The following RAB4A variants were observed in gnomAD, a reference collection of about 807,000 sequenced individuals.
RAB4A encodes the protein RAB4A, member RAS oncogene family, also known as ras-related protein Rab-4A.
Under a neutral mutation model 34.5 loss-of-function variants are expected in RAB4A, and 20 were observed. That is an observed-to-expected ratio of 0.58 (90% CI 0.41 to 0.84). RAB4A has a LOEUF of 0.84. Ranked by LOEUF, RAB4A falls within the 40% of genes least tolerant of loss-of-function variation. The pLI, the probability that RAB4A is intolerant of heterozygous loss-of-function variation, is 0.00. For synonymous variants in RAB4A, 102 were observed against 100.0 expected, an observed-to-expected ratio of 1.02 and a Z score of -0.12; for missense variants, 228 against 274.5, an observed-to-expected ratio of 0.83 and a Z score of 1.20.
Position 229,305,343 on chromosome 1 carries a change from G to A in RAB4A, c.*1550G>A, listed in dbSNP as rs761779374. 4 of 1,511,974 alleles carry A rather than the reference G, an allele frequency of 2.6e-6. No individual in the cohort carries two copies. Among genetic ancestry groups the A allele is most frequent in the Non-Finnish European group, 8.9e-7 (1 of 1,122,510 alleles). 93.7% of individuals were successfully genotyped at this position (1,511,974 alleles called of 1,614,324 possible). On this transcript the variant is annotated 3_prime_UTR_variant, in exon 8 of 8. Transcript: ENST00000366690. The stretch of plus-strand genomic sequence containing the variant: ...CATTTTTGAACAGCTTTTTGCATGG[G>A]ATAGGAGCATGTCTATTCTAACACA...
chr1:229,298,988 T>C lies in RAB4A; in HGVS notation c.457T>C (p.Leu153=), dbSNP rs771372995. The C allele has an allele frequency of 4.4e-6, 7 of 1,608,770 alleles. No individual in the cohort carries two copies. In the South Asian group the frequency reaches 6.7e-5, roughly 15 times the overall value. Residue 153 remains leucine (L), a synonymous_variant, in exon 6 of 8, where the codon TTG becomes CTG. Transcript: ENST00000366690. ...RFAQENELMF[L]ETSALTGENV... is the part of the protein sequence containing the mutation. ...GATGTCCATTTTAGAGCTGATGTTTTTGGAAACAAGTGCGCTCACAGGGGA... is the reference window on the plus strand; with the variant it reads ...GATGTCCATTTTAGAGCTGATGTTTCTGGAAACAAGTGCGCTCACAGGGGA...
At chr1:229,288,371 C>T (rs9660826) in intron 2 of RAB4A, among the ~76,000 whole-genome samples, 29,169 of 152,134 alleles carry the variant, frequency 0.19, 2,814 homozygotes, top group African/African-American at 0.21. Context: ...TGTCACTGGG[C>T]GTTATGCCCT....
chr1:229,273,850 G>A (rs1656568281), intron 1 of RAB4A, among the ~76,000 whole-genome samples: 1 of 152,138 alleles, frequency 6.6e-6, no homozygotes, highest in African/African-American at 2.4e-5. Context: ...CGTATCAGTG[G>A]CCATATTTAT....
At chr1:229,302,297 ATATATATATATAT>A (rs1397604061) in intron 6 of RAB4A, among the ~76,000 whole-genome samples, 11 of 28,364 alleles carry the variant, frequency 3.9e-4, no homozygotes, top group East Asian at 1.6e-3. Flanking sequence ...ATATATATAT[ATATATATATATAT>A]TTTTTTTTTT....
chr1:229,297,641 G>A lies in RAB4A; in HGVS notation c.445+5G>A. ...CCAGATTTGCTCAAGAAAATGGCAA[G>A]TGACCTTTTACTTCTTACTATTTTT... On this transcript the variant is annotated splice_donor_5th_base_variant and intron_variant, in intron 5 of 7. Transcript: ENST00000366690. 2 of 1,573,948 alleles carry A rather than the reference G, an allele frequency of 1.3e-6. No individual in the cohort carries two copies. Among genetic ancestry groups the A allele is most frequent in the Non-Finnish European group, 1.7e-6 (2 of 1,164,806 alleles).
intron 1 of RAB4A, 99 bp from the exon 2 acceptor site, chr1:229,286,373 CTCTTTTTCCTGTTA>C: frequency 1.6e-6 from 1 of 640,590 alleles, no homozygotes; most frequent in Middle Eastern, 2.9e-4. Flanking sequence ...ACTCAGTTAC[CTCTTTTTCCTGTTA>C]TATTAACAAC....
chr1:229,280,075 A>G (rs1248872651), intron 1 of RAB4A, among the ~76,000 whole-genome samples: 1 of 152,254 alleles, frequency 6.6e-6, no homozygotes. Flanking sequence ...TAAAACATAC[A>G]CATGGTATGC....
rs998280633 is a variant in RAB4A, at chr1:229,295,884, G to T, written c.264G>T (p.Gly88=). 1 of 1,613,910 alleles carries T rather than the reference G, an allele frequency of 6.2e-7. No homozygotes were observed. The highest frequency in any genetic ancestry group is 8.5e-7 in the Non-Finnish European group (1 of 1,180,012). ...VTRSYYRGAA[G]ALLVYDITSR... Reference sequence around the variant, plus strand: ...GAAGTTATTACCGAGGCGCGGCCGGGGCTCTCCTCGTCTATGATATCACCA... The same window carrying T: ...GAAGTTATTACCGAGGCGCGGCCGGTGCTCTCCTCGTCTATGATATCACCA... The change falls in exon 4 of 8, where the codon GGG becomes GGT. Residue 88 remains glycine (G), a synonymous_variant. Transcript: ENST00000366690.
intron 1 of RAB4A, among the ~76,000 whole-genome samples, chr1:229,282,499 T>C (rs1571824842): frequency 6.6e-6 from 1 of 152,230 alleles, no homozygotes; most frequent in African/African-American, 2.4e-5. Context: ...AAGTTTTCAG[T>C]GCTGTTTCTT....
At chr1:229,285,093 C>CT (rs1256917643) in intron 1 of RAB4A, among the ~76,000 whole-genome samples, 2 of 152,306 alleles carry the variant, frequency 1.3e-5, no homozygotes, top group East Asian at 3.9e-4. Context: ...CAGCCTTGAA[C>CT]CCCTGGACTC....
intron 6 of RAB4A, among the ~76,000 whole-genome samples, chr1:229,302,307 A>G (rs1246394845): frequency 2.9e-5 from 1 of 34,998 alleles, no homozygotes; most frequent in Non-Finnish European, 5.8e-5. Context: ...ATATATATAT[A>G]TATTTTTTTT....
At chr1:229,281,685 C>T (rs1278899633) in intron 1 of RAB4A, among the ~76,000 whole-genome samples, 1 of 151,542 alleles carries the variant, frequency 6.6e-6, no homozygotes, top group Non-Finnish European at 1.5e-5. Flanking sequence ...TTTTCTTTTC[C>T]AGCCTGCCTT....
intron 7 of RAB4A, 48 bp downstream of exon 7, chr1:229,303,037 C>T: frequency 7.5e-7 from 1 of 1,332,188 alleles, no homozygotes; most frequent in Non-Finnish European, 1.1e-6. Flanking sequence ...AGCTCAAGTG[C>T]AGAGGCCTGT....
At chr1:229,301,028 A>AT (rs1657374885) in intron 6 of RAB4A, among the ~76,000 whole-genome samples, 1 of 152,250 alleles carries the variant, frequency 6.6e-6, no homozygotes, top group Admixed American at 6.5e-5. Flanking sequence ...GGGAAGCCTC[A>AT]TAAGCTAAGA....
At chr1:229,287,653 G>A (rs1656961142) in intron 2 of RAB4A, among the ~76,000 whole-genome samples, 2 of 152,024 alleles carry the variant, frequency 1.3e-5, no homozygotes, top group African/African-American at 4.8e-5. Flanking sequence ...GGATGCCCCT[G>A]GCCTTTAGTT....
chr1:229,295,939 G>A (rs1657241601), intron 4 of RAB4A, 29 bp downstream of exon 4: 2 of 1,611,778 alleles, frequency 1.2e-6, no homozygotes, highest in East Asian at 2.2e-5. Context: ...GGTGAAGGAG[G>A]GTGCTCAGTG....
In RAB4A at chr1:229,299,059, C is replaced by G. The variant is rs766126067; in HGVS notation, c.528C>G (p.Asn176Lys). The G allele has an allele frequency of 6.2e-7, 1 of 1,604,916 alleles. No individual in the cohort carries two copies. Among genetic ancestry groups the G allele is most frequent in the South Asian group, 1.1e-5 (1 of 89,222 alleles). ...AFVQCARKILNKIESGELDPE... is the reference protein window; with the variant it reads ...AFVQCARKILKKIESGELDPE... ...TACAGTGTGCAAGAAAAATACTTAA[C>G]AAAATCGAATCAGGTAAAAGCCTTT... The change falls in exon 6 of 8, where the codon AAC (asparagine) becomes AAG (lysine). Residue 176 changes from asparagine to lysine, a missense_variant. Transcript: ENST00000366690.
chr1:229,290,463 C>T (rs566579739), intron 3 of RAB4A, among the ~76,000 whole-genome samples: 6 of 152,206 alleles, frequency 3.9e-5, no homozygotes, highest in Non-Finnish European at 8.8e-5. Flanking sequence ...AAGGTAGTGA[C>T]ATTTTGCTTT....
At chr1:229,297,451 T>C in intron 4 of RAB4A, 31 bp from the exon 5 acceptor site, 1 of 1,562,262 alleles carries the variant, frequency 6.4e-7, no homozygotes, top group South Asian at 1.2e-5. Context: ...ATAAAATACA[T>C]GTATTATTTT....
Sources: gnomAD v4.1 joint callset for allele counts (sites outside exome capture counted in the v4.1 genomes callset) on GRCh38, gnomAD v4.1.1 for gene constraint, MANE v1.5 for transcripts, NCBI Gene and HGNC (gene_info 2026-07-23, HGNC 2026-07-21) for gene names.